KIAA1217: variants seen among roughly 807,000 people sequenced by gnomAD.
The protein encoded by KIAA1217 is sickle tail protein homolog.
KIAA1217 carries 88 observed loss-of-function variants against 163.9 expected under a neutral mutation model. The observed-to-expected ratio is 0.54, with a 90% CI of 0.45 to 0.64. The LOEUF (loss-of-function observed/expected upper bound fraction) is 0.64. Among genes scored for constraint, KIAA1217 ranks in the 30% least tolerant of loss-of-function variants. The pLI is 0.00. For missense variants in KIAA1217, 2,372 were observed against 2,475.0 expected, an observed-to-expected ratio of 0.96 and a Z score of 0.88; for synonymous variants, 903 against 923.1, an observed-to-expected ratio of 0.98 and a Z score of 0.39.
At chr10:23,756,692 T>C (rs10828540) in intron 1 of KIAA1217, among the ~76,000 whole-genome samples, 9,785 of 152,250 alleles carry the variant, frequency 0.064, 453 homozygotes, top group African/African-American at 0.12. Flanking sequence ...CTTTCAAAAA[T>C]AGCTATTTAA....
intron 1 of KIAA1217, among the ~76,000 whole-genome samples, chr10:23,709,521 C>G (rs762439066): frequency 1.3e-5 from 2 of 151,414 alleles, no homozygotes; most frequent in South Asian, 4.2e-4. Flanking sequence ...AAAGCAATAC[C>G]CTGTCTCCAA....
chr10:23,738,276 T>C (rs138631325), intron 1 of KIAA1217, among the ~76,000 whole-genome samples: 5 of 152,338 alleles, frequency 3.3e-5, no homozygotes, highest in African/African-American at 1.2e-4. Flanking sequence ...ATTTCTAATG[T>C]CAAGTTTGCT....
At chr10:24,135,618 G>A (rs2063804052) in intron 2 of KIAA1217, among the ~76,000 whole-genome samples, 1 of 152,094 alleles carries the variant, frequency 6.6e-6, no homozygotes, top group Non-Finnish European at 1.5e-5. Context: ...GCTGACACCT[G>A]ACATATCGGT....
intron 2 of KIAA1217, among the ~76,000 whole-genome samples, chr10:24,201,783 G>C (rs530933170): frequency 6.6e-6 from 1 of 152,130 alleles, no homozygotes; most frequent in Non-Finnish European, 1.5e-5. Context: ...TCTGAAGCAC[G>C]TGACTGGCTT....
intron 2 of KIAA1217, among the ~76,000 whole-genome samples, chr10:24,059,374 AG>A (rs2131597221): frequency 6.6e-6 from 1 of 152,208 alleles, no homozygotes; most frequent in African/African-American, 2.4e-5. Context: ...TTTGGTATGA[AG>A]ATAATGCTGG....
intron 12 of KIAA1217, among the ~76,000 whole-genome samples, chr10:24,522,226 A>G (rs774218538): frequency 6.6e-6 from 1 of 152,198 alleles, no homozygotes; most frequent in Non-Finnish European, 1.5e-5. Context: ...CAGGAGGTAC[A>G]GGCAGAAGGA....
At chr10:24,190,793 T>C (rs1589837906) in intron 2 of KIAA1217, among the ~76,000 whole-genome samples, 1 of 151,752 alleles carries the variant, frequency 6.6e-6, no homozygotes, top group African/African-American at 2.4e-5. Context: ...ATGGATAGAG[T>C]CTATAAGAAG....
intron 2 of KIAA1217, among the ~76,000 whole-genome samples, chr10:24,257,993 T>G (rs533250173): frequency 1.6e-4 from 25 of 152,066 alleles, no homozygotes; most frequent in African/African-American, 6.0e-4. Flanking sequence ...CCCAGGTACA[T>G]ATTTACCAGT....
intron 2 of KIAA1217, among the ~76,000 whole-genome samples, chr10:24,363,368 A>G (rs2050280467): frequency 6.6e-6 from 1 of 152,294 alleles, no homozygotes; most frequent in Non-Finnish European, 1.5e-5. Context: ...CTCAAGTGCC[A>G]TTTAGTACAA....
intron 2 of KIAA1217, among the ~76,000 whole-genome samples, chr10:24,045,023 A>C (rs1164456944): frequency 1.3e-5 from 2 of 152,308 alleles, no homozygotes; most frequent in East Asian, 3.9e-4. Flanking sequence ...GCTTAAGGAA[A>C]ACTAAATGAC....
chr10:23,701,708 A>G (rs1232352242), intron 1 of KIAA1217, among the ~76,000 whole-genome samples: 1 of 152,256 alleles, frequency 6.6e-6, no homozygotes, highest in Non-Finnish European at 1.5e-5. Flanking sequence ...TTACTTGCTT[A>G]ATAATAGCCT....
intron 2 of KIAA1217, among the ~76,000 whole-genome samples, chr10:24,334,450 A>AGGAT (rs2046086763): frequency 6.9e-6 from 1 of 144,808 alleles, no homozygotes; most frequent in Non-Finnish European, 1.5e-5. Flanking sequence ...GAAGGAAGGA[A>AGGAT]GGAAGGAAGG....
intron 1 of KIAA1217, among the ~76,000 whole-genome samples, chr10:23,836,958 T>G (rs1025282388): frequency 6.6e-6 from 1 of 151,306 alleles, no homozygotes; most frequent in African/African-American, 2.4e-5. Flanking sequence ...AGGGAGGGAA[T>G]GAATAAGGTA....
At chr10:24,252,962 G>A (rs1234839326) in intron 2 of KIAA1217, among the ~76,000 whole-genome samples, 2 of 151,208 alleles carry the variant, frequency 1.3e-5, no homozygotes, top group African/African-American at 4.9e-5. Flanking sequence ...AGACCAGCCT[G>A]GGTAATATAG....
At chr10:23,838,463 GT>G (rs11321299) in intron 1 of KIAA1217, among the ~76,000 whole-genome samples, 10,688 of 149,250 alleles carry the variant, frequency 0.072, 1,243 homozygotes, top group African/African-American at 0.24. Flanking sequence ...TTGTTTTCCT[GT>G]TTTTTTTTTC....
At chr10:24,376,871 G>A (rs1472337366) in intron 2 of KIAA1217, among the ~76,000 whole-genome samples, 1 of 152,182 alleles carries the variant, frequency 6.6e-6, no homozygotes, top group African/African-American at 2.4e-5. Context: ...TTCAGGGCAA[G>A]CTGCTTTTTC....
intron 2 of KIAA1217, among the ~76,000 whole-genome samples, chr10:24,140,961 C>G (rs2064040964): frequency 1.3e-5 from 2 of 152,142 alleles, no homozygotes; most frequent in African/African-American, 4.8e-5. Context: ...AGAGTAAAGG[C>G]ACCGTGTCTC....
chr10:24,184,941 G>A (rs139037634), intron 2 of KIAA1217, among the ~76,000 whole-genome samples: 2 of 152,254 alleles, frequency 1.3e-5, no homozygotes, highest in East Asian at 1.9e-4. Flanking sequence ...CTCTCATTAC[G>A]TATGGTATCT....
At chr10:23,879,997 G>T (rs2131186109) in intron 1 of KIAA1217, among the ~76,000 whole-genome samples, 1 of 151,776 alleles carries the variant, frequency 6.6e-6, no homozygotes, top group Middle Eastern at 3.4e-3. Context: ...AAATGCTTCT[G>T]GTGGTGGGTG....
Sources: gnomAD v4.1 joint callset for allele counts (sites outside exome capture counted in the v4.1 genomes callset) on GRCh38, gnomAD v4.1.1 for gene constraint, MANE v1.5 for transcripts, NCBI Gene and HGNC (gene_info 2026-07-23, HGNC 2026-07-21) for gene names.